The following TENT5D variants were observed in gnomAD, a reference collection of about 807,000 sequenced individuals.
The protein encoded by TENT5D is terminal nucleotidyltransferase 5D, also known as cancer/testis antigen 112.
For missense variants in TENT5D, 191 were observed against 287.0 expected, an observed-to-expected ratio of 0.67 and a Z score of 2.42; for synonymous variants, 103 against 100.6, an observed-to-expected ratio of 1.02 and a Z score of -0.15.
At chrX:80,443,509 C>G in exon 3 of TENT5D, 5 of 1,210,831 alleles carry the variant, frequency 4.1e-6, no homozygotes, top group Non-Finnish European at 5.6e-6. Context: ...GATTCTCCAC[C>G]TGATCACCAT....
Position 80,397,614 on chromosome X carries a change from C to T in TENT5D, c.-141-40996C>T, listed in dbSNP as rs1430725816. On this transcript the variant is annotated intron_variant, in intron 3 of 4. Transcript: ENST00000538312. Reference sequence around the variant, plus strand: ...TGGAGGTTGTAGCAAGCCGAGATCACGCCACTGCACTCCAGCCTGGGCACC... The same window carrying T: ...TGGAGGTTGTAGCAAGCCGAGATCATGCCACTGCACTCCAGCCTGGGCACC... Among the ~76,000 whole-genome samples, 6 of 107,745 alleles carry T rather than the reference C, an allele frequency of 5.6e-5. No individual in the cohort carries two copies. The South Asian group carries it at 1.7e-3, about 30-fold the overall frequency. 93.6% of individuals were successfully genotyped at this position (107,745 alleles called of 115,157 possible).
chrX:80,389,572 A>C (rs749120789), intron 3 of TENT5D, among the ~76,000 whole-genome samples: 31 of 112,493 alleles, frequency 2.8e-4, no homozygotes, highest in African/African-American at 9.7e-4. Context: ...AAAAAAGTAC[A>C]AATGAAAGAT....
intron 3 of TENT5D, among the ~76,000 whole-genome samples, chrX:80,389,550 A>G (rs1186204531): frequency 8.9e-6 from 1 of 112,298 alleles, no homozygotes; most frequent in Non-Finnish European, 1.9e-5. Flanking sequence ...CACACCTCAA[A>G]TTTACAAAGT....
intron 2 of TENT5D, among the ~76,000 whole-genome samples, chrX:80,337,075 A>T (rs1929865434): frequency 8.9e-6 from 1 of 112,248 alleles, no homozygotes; most frequent in Non-Finnish European, 1.9e-5. Context: ...CAGAAATAGC[A>T]TTATTTATTT....
intron 3 of TENT5D, among the ~76,000 whole-genome samples, chrX:80,354,467 T>C (rs1930245080): frequency 8.9e-6 from 1 of 112,274 alleles, no homozygotes; most frequent in Non-Finnish European, 1.9e-5. Flanking sequence ...TTTCCTCAGC[T>C]CAATCTATTC....
intron 3 of TENT5D, among the ~76,000 whole-genome samples, chrX:80,362,551 G>A (rs972907332): frequency 8.9e-6 from 1 of 111,887 alleles, no homozygotes; most frequent in Non-Finnish European, 1.9e-5. Flanking sequence ...CTATGTAGTA[G>A]CTGGCTGCCA....
At chrX:80,355,835 G>A (rs1930272674) in intron 3 of TENT5D, among the ~76,000 whole-genome samples, 1 of 111,620 alleles carries the variant, frequency 9.0e-6, no homozygotes, top group East Asian at 2.8e-4. Context: ...ACTTGATGCT[G>A]TGGTCTCTCT....
At chrX:80,342,941 ATCTT>A (rs2147512229) in intron 3 of TENT5D, among the ~76,000 whole-genome samples, 1 of 98,941 alleles carries the variant, frequency 1.0e-5, no homozygotes, top group African/African-American at 3.8e-5. Context: ...TTATTAGTCT[ATCTT>A]TATTTTTTTT....
At chrX:80,341,892 T>C (rs754573004) in intron 2 of TENT5D, among the ~76,000 whole-genome samples, 154 of 106,350 alleles carry the variant, frequency 1.4e-3, no homozygotes, top group Non-Finnish European at 2.6e-3. Flanking sequence ...TTTGTATTTT[T>C]AGTAGAGACG....
At chrX:80,386,538 T>C (rs901217566) in intron 3 of TENT5D, among the ~76,000 whole-genome samples, 2 of 110,467 alleles carry the variant, frequency 1.8e-5, no homozygotes, top group Admixed American at 1.9e-4. Context: ...ACATGTACCC[T>C]AGAACTTAAA....
intron 3 of TENT5D, among the ~76,000 whole-genome samples, chrX:80,352,720 CAAAAAAAAAA>C (rs1189877322): frequency 5.0e-5 from 1 of 19,915 alleles, no homozygotes; most frequent in Non-Finnish European, 9.8e-5. Context: ...AGCAAACAAA[CAAAAAAAAAA>C]AAAAAAAAAA....
chrX:80,344,482 T>C (rs1411552744), intron 3 of TENT5D, among the ~76,000 whole-genome samples: 2 of 110,925 alleles, frequency 1.8e-5, no homozygotes, highest in Non-Finnish European at 3.8e-5. Context: ...GTTTTTTTTT[T>C]AATAATAGCC....
At chrX:80,357,441 A>C (rs1229409119) in intron 3 of TENT5D, among the ~76,000 whole-genome samples, 6 of 108,631 alleles carry the variant, frequency 5.5e-5, no homozygotes, top group African/African-American at 2.0e-4. Context: ...CTGACTTTTT[A>C]ATGATCGCCA....
At chrX:80,394,614 G>A (rs1486359686) in intron 3 of TENT5D, among the ~76,000 whole-genome samples, 1 of 109,417 alleles carries the variant, frequency 9.1e-6, no homozygotes, top group East Asian at 2.9e-4. Flanking sequence ...GGCCGGTCTC[G>A]AACTCCCAAC....
intron 3 of TENT5D, among the ~76,000 whole-genome samples, chrX:80,348,664 A>G (rs932239208): frequency 9.0e-6 from 1 of 111,551 alleles, no homozygotes; most frequent in Non-Finnish European, 1.9e-5. Context: ...TTTCTCTTGC[A>G]TGATTGCTCT....
chrX:80,363,509 C>T (rs1371235707), intron 3 of TENT5D, among the ~76,000 whole-genome samples: 3 of 111,881 alleles, frequency 2.7e-5, no homozygotes, highest in Non-Finnish European at 5.6e-5. Flanking sequence ...ACTTTTATGT[C>T]TTTTATACAA....
At chrX:80,363,629 T>G (rs866287368) in intron 3 of TENT5D, among the ~76,000 whole-genome samples, 21 of 112,414 alleles carry the variant, frequency 1.9e-4, no homozygotes, top group Middle Eastern at 4.6e-3. Context: ...TGAAACCATT[T>G]CCTGTCTTAG....
upstream of TENT5D, among the ~76,000 whole-genome samples, chrX:80,418,511 G>A (rs1163668533): frequency 9.0e-6 from 1 of 110,842 alleles, no homozygotes; most frequent in Admixed American, 9.6e-5. Context: ...GAATGAATGG[G>A]GATGAAACCA....
intron 3 of TENT5D, among the ~76,000 whole-genome samples, chrX:80,348,352 G>C (rs746226401): frequency 9.0e-6 from 1 of 111,408 alleles, no homozygotes; most frequent in Admixed American, 9.5e-5. Flanking sequence ...TTGAGCAGTG[G>C]TTTATAGTTC....
Sources: gnomAD v4.1 joint callset for allele counts (sites outside exome capture counted in the v4.1 genomes callset) on GRCh38, gnomAD v4.1.1 for gene constraint, MANE v1.5 for transcripts, NCBI Gene and HGNC (gene_info 2026-07-23, HGNC 2026-07-21) for gene names.